Variants in POLR1A observed in about 807,000 individuals in gnomAD.
POLR1A encodes the protein RNA polymerase I subunit A.
A neutral mutation model predicts 205.3 loss-of-function variants in POLR1A; 84 were observed. The observed-to-expected ratio is 0.41, with a 90% CI of 0.34 to 0.49. The LOEUF is 0.49. POLR1A is among the 20% of genes least tolerant of loss of function. The pLI, the probability that POLR1A is intolerant of heterozygous loss-of-function variation, is 0.22. For missense variants in POLR1A, 1,645 were observed against 2,204.5 expected, an observed-to-expected ratio of 0.75 and a Z score of 5.08; for synonymous variants, 799 against 863.7, an observed-to-expected ratio of 0.93 and a Z score of 1.31.
chr2:86,057,913 C>T lies in POLR1A; in HGVS notation c.2059-3624G>A, dbSNP rs568985546. On this transcript the variant is annotated intron_variant, in intron 14 of 33. Transcript: ENST00000263857. ...ACAACATAGTGAATACACTAAAAAC[C>T]TACTTATACACTTTGAAATGGTCCT... Among the ~76,000 whole-genome samples, 9 of 152,134 alleles carry T rather than the reference C, an allele frequency of 5.9e-5. No individual in the cohort carries two copies. In the East Asian group the frequency reaches 1.7e-3, roughly 29 times the overall value.
At chr2:86,055,000 C>G (rs1672872756) in intron 14 of POLR1A, among the ~76,000 whole-genome samples, 1 of 152,186 alleles carries the variant, frequency 6.6e-6, no homozygotes, top group African/African-American at 2.4e-5. Flanking sequence ...AAAGTAGTGT[C>G]TTTAGATGTG....
At position 86,033,860 on chromosome 2, in the gene POLR1A, G is replaced by C. The variant is rs536006700; in HGVS notation, c.4035-73C>G. Reference sequence around the variant, plus strand: ...CAGCCCTACCCTCATTTGGGGGATAGGACGCTGAGGGATTCCCACAGGGGA... The same window carrying C: ...CAGCCCTACCCTCATTTGGGGGATACGACGCTGAGGGATTCCCACAGGGGA... On this transcript the variant is annotated intron_variant, in intron 27 of 33. Transcript: ENST00000263857. 2.7e-4 allele frequency: 417 copies of C among 1,549,830 alleles called. 1 individual carries two copies. The highest frequency in any genetic ancestry group is 7.0e-4 in the Admixed American group (40 of 57,358).
At chr2:86,090,519 G>A (rs1308512516) in intron 3 of POLR1A, among the ~76,000 whole-genome samples, 1 of 152,078 alleles carries the variant, frequency 6.6e-6, no homozygotes, top group African/African-American at 2.4e-5. Context: ...TTAATGTTCT[G>A]AAGAGCCGAC....
At chr2:86,089,784 G>A (rs1224664173) in intron 4 of POLR1A, 38 bp downstream of exon 4, 3 of 1,221,050 alleles carry the variant, frequency 2.5e-6, no homozygotes, top group Non-Finnish European at 3.7e-6. Context: ...ATAAAATGAT[G>A]CCCAAAACAG....
chr2:86,063,900 T>C (rs1268737803), intron 14 of POLR1A, among the ~76,000 whole-genome samples: 3 of 152,212 alleles, frequency 2.0e-5, no homozygotes, highest in African/African-American at 7.2e-5. Context: ...GTGTTTTCAT[T>C]TCATCTACTT....
chr2:86,061,345 G>C (rs1450060542), intron 14 of POLR1A, among the ~76,000 whole-genome samples: 3 of 152,196 alleles, frequency 2.0e-5, no homozygotes, highest in Non-Finnish European at 4.4e-5. Flanking sequence ...TACTCGAGAG[G>C]CTGAGGCAAG....
chr2:86,068,921 C>T (rs781178433), intron 13 of POLR1A, among the ~76,000 whole-genome samples: 1 of 152,372 alleles, frequency 6.6e-6, no homozygotes, highest in South Asian at 2.1e-4. Flanking sequence ...CTAGGCATCT[C>T]TGAGCAGCCC....
At position 86,028,541 on chromosome 2, in the gene POLR1A, G is replaced by C; in HGVS notation, c.4897+53C>G. The C allele has an allele frequency of 7.6e-7, 1 of 1,310,504 alleles. No individual in the cohort carries two copies. Among genetic ancestry groups the C allele is most frequent in the Non-Finnish European group, 1.1e-6 (1 of 902,932 alleles). 81.2% of individuals were successfully genotyped at this position (1,310,504 alleles called of 1,614,324 possible). A position where few individuals can be genotyped will look rare whatever the true frequency, so the allele number is the denominator to read the frequency against. ...TCCTGACCCTCCTGCCGAGCCTTCT[G>C]GTGTCCTGGCTGGTGCCCAGACCTC... On this transcript the variant is annotated intron_variant, in intron 32 of 33. Coordinates refer to ENST00000263857, the MANE Select transcript of POLR1A (RefSeq NM_015425.6). The surrounding 1 kb of genome is among the most constrained non-coding windows in gnomAD (Gnocchi z 4.5).
chr2:86,081,789 A>C (rs1245891876), intron 7 of POLR1A, 83 bp from the exon 8 acceptor site: 2 of 789,034 alleles, frequency 2.5e-6, no homozygotes, highest in Admixed American at 4.8e-5. Flanking sequence ...AATATTACTG[A>C]GTGAGGAAAA....
intron 5 of POLR1A, 54 bp downstream of exon 5, chr2:86,088,731 C>A (rs755366640): frequency 2.5e-5 from 40 of 1,590,342 alleles, no homozygotes; most frequent in Non-Finnish European, 3.5e-5. Flanking sequence ...TTAATAATAG[C>A]AATGAGTGAC....
intron 16 of POLR1A, among the ~76,000 whole-genome samples, chr2:86,050,601 C>T (rs1672784802): frequency 6.6e-6 from 1 of 152,240 alleles, no homozygotes; most frequent in Admixed American, 6.5e-5. Flanking sequence ...CATCTTCACA[C>T]TCAAGGGACC....
In POLR1A at chr2:86,082,372, A is replaced by T. The variant is rs532816614; in HGVS notation, c.818-666T>A. ...TCATAAAAAATATGTTGAATAAAAA[A>T]ATTTTTTTTTAAGTTAGCCTCCTCC... is the stretch of plus-strand genomic sequence containing the variant. On this transcript the variant is annotated intron_variant, in intron 7 of 33. Coordinates refer to ENST00000263857, the MANE Select transcript of POLR1A (RefSeq NM_015425.6). Among the ~76,000 whole-genome samples, 10 of 152,166 alleles carry T rather than the reference A, an allele frequency of 6.6e-5. 1 individual carries two copies. Among genetic ancestry groups the T allele is most frequent in the Admixed American group, 1.3e-4 (2 of 15,274 alleles).
intron 6 of POLR1A, among the ~76,000 whole-genome samples, chr2:86,087,857 C>T (rs1673529270): frequency 6.6e-6 from 1 of 152,160 alleles, no homozygotes; most frequent in Admixed American, 6.6e-5. Flanking sequence ...TATGCATTTT[C>T]TACCCTGGAA....
At position 86,025,111 on chromosome 2, in the gene POLR1A, TG is replaced by T. The variant is rs1295892484; in HGVS notation, c.*2311del. 2 of 152,200 alleles carry T rather than the reference TG, an allele frequency of 1.3e-5. No individual in the cohort carries two copies. Among genetic ancestry groups the T allele is most frequent in the African/African-American group, 2.4e-5 (1 of 41,438 alleles). 9.4% of individuals were successfully genotyped at this position (152,200 alleles called of 1,614,324 possible). ...CGAGATTGCGCCATTGCACTCAGCC[TG>T]GGTAACAAGTGCAAAAGTGCATCTC... is the stretch of plus-strand genomic sequence containing the variant. On this transcript the variant is annotated 3_prime_UTR_variant, in exon 34 of 34. Coordinates refer to ENST00000263857, the MANE Select transcript of POLR1A (RefSeq NM_015425.6).
chr2:86,045,178 C>A, intron 21 of POLR1A, 100 bp downstream of exon 21: 1 of 811,594 alleles, frequency 1.2e-6, no homozygotes, highest in Non-Finnish European at 2.0e-6. Flanking sequence ...AAAGTTTTTT[C>A]ATCCAAGGAA....
rs934651974 is a variant in POLR1A at position 86,098,611 on chromosome 2, C to T, written c.432G>A (p.Arg144=). 3 of 1,613,096 alleles carry T rather than the reference C, an allele frequency of 1.9e-6. No homozygotes were observed. The highest frequency in any genetic ancestry group is 1.7e-5 in the Admixed American group (1 of 59,738). Residue 144 remains arginine, a splice_region_variant and synonymous_variant, in exon 3 of 34, where the codon AGG becomes AGA. Transcript: ENST00000263857. The part of the protein sequence containing the change: ...AVYELERILN[R]FLEENPDPSA... Reference sequence around the variant, plus strand: ...TCTGTGACCACCACTACCCACCTACCCTGTTCAGAATTCTCTCAAGCTCGT... The same window carrying T: ...TCTGTGACCACCACTACCCACCTACTCTGTTCAGAATTCTCTCAAGCTCGT...
intron 25 of POLR1A, 83 bp downstream of exon 25, chr2:86,040,305 ACACT>A (rs1672578918): frequency 1.9e-6 from 2 of 1,057,156 alleles, no homozygotes; most frequent in Non-Finnish European, 2.6e-6. Context: ...TCATTCACAC[ACACT>A]CACTCACCCC....
chr2:86,065,544 A>G, intron 13 of POLR1A, 79 bp from the exon 14 acceptor site: 1 of 1,237,346 alleles, frequency 8.1e-7, no homozygotes, highest in Non-Finnish European at 1.2e-6. Context: ...GCCTGCCTGG[A>G]AGCCACTTTC....
In POLR1A at chr2:86,021,300, G is replaced by A. The variant is rs567200972; in HGVS notation, c.*6123C>T. The A allele has an allele frequency of 2.0e-5, 3 of 152,182 alleles. No homozygotes were observed. The East Asian group carries it at 5.8e-4, about 29-fold the overall frequency. 9.4% of individuals were successfully genotyped at this position (152,182 alleles called of 1,614,324 possible). ...AGGGCCTCCAGGCCTTCTGAGTAAG[G>A]AAGACCCCAGCTTGCAAAAGACATA... is the stretch of plus-strand genomic sequence containing the variant. On this transcript the variant is annotated 3_prime_UTR_variant, in exon 34 of 34. Transcript: ENST00000263857.
Sources: gnomAD v4.1 joint callset for allele counts (sites outside exome capture counted in the v4.1 genomes callset) on GRCh38, gnomAD v4.1.1 for gene constraint, Gnocchi (gnomAD v3.1) non-coding constraint, MANE v1.5 for transcripts, NCBI Gene and HGNC (gene_info 2026-07-23, HGNC 2026-07-21) for gene names.